FHIP1A: variants seen among roughly 807,000 people sequenced by gnomAD.
FHIP1A encodes FHF complex subunit HOOK-interacting protein 1A.
FHIP1A carries 61 observed loss-of-function variants against 88.6 expected under a neutral mutation model. That is an observed-to-expected ratio of 0.69 (90% CI 0.56 to 0.85). The LOEUF (loss-of-function observed/expected upper bound fraction) is 0.85. Among genes scored for constraint, FHIP1A ranks in the 40% least tolerant of loss-of-function variants. FHIP1A has a pLI of 0.00. For missense variants in FHIP1A, 1,154 were observed against 1,273.5 expected, an observed-to-expected ratio of 0.91 and a Z score of 1.43; for synonymous variants, 478 against 496.0, an observed-to-expected ratio of 0.96 and a Z score of 0.48.
intron 5 of FHIP1A, among the ~76,000 whole-genome samples, chr4:151,581,675 C>T (rs758849892): frequency 1.5e-4 from 23 of 152,008 alleles, no homozygotes; most frequent in Non-Finnish European, 3.1e-4. Flanking sequence ...TCTATAATTA[C>T]ATCTGACAAC....
chr4:151,520,342 G>A (rs914417221), intron 3 of FHIP1A, among the ~76,000 whole-genome samples: 4 of 152,024 alleles, frequency 2.6e-5, no homozygotes, highest in Non-Finnish European at 4.4e-5. Context: ...TTGTGTTGGT[G>A]CCTTTATTGA....
intron 1 of FHIP1A, among the ~76,000 whole-genome samples, chr4:151,416,489 A>G (rs142220969): frequency 0.011 from 1,686 of 152,218 alleles, 16 homozygotes; most frequent in Non-Finnish European, 0.017. Flanking sequence ...TACCCCCTAT[A>G]TTTATATATG....
rs908743797 is a variant in FHIP1A at position 151,664,115 on chromosome 4, C to T, written c.*1361C>T. 1.3e-5 allele frequency among the ~76,000 whole-genome samples: 2 copies of T among 152,076 alleles called. No homozygotes were observed. The highest frequency in any genetic ancestry group is 2.9e-5 in the Non-Finnish European group (2 of 68,022). ...TATTTTGGGCCCAGTTCTGCAGGTGCGAAGCAAGTAACGAGCTTGAGCCTG... is the reference window on the plus strand; with the variant it reads ...TATTTTGGGCCCAGTTCTGCAGGTGTGAAGCAAGTAACGAGCTTGAGCCTG... On this transcript the variant is annotated 3_prime_UTR_variant, in exon 14 of 14. Coordinates refer to ENST00000435205, the MANE Select transcript of FHIP1A (RefSeq NM_001109977.3).
intron 7 of FHIP1A, 135 bp downstream of exon 7, chr4:151,589,061 A>C (rs1423405629): frequency 3.0e-6 from 2 of 666,592 alleles, no homozygotes; most frequent in Non-Finnish European, 5.3e-6. Context: ...ATTTCTTAGC[A>C]ATATCAAACA....
In FHIP1A at chr4:151,629,782, G is replaced by A; in HGVS notation, c.1059G>A (p.Glu353=). 2 of 1,551,498 alleles carry A rather than the reference G, an allele frequency of 1.3e-6. No individual in the cohort carries two copies. The highest frequency in any genetic ancestry group is 1.7e-6 in the Non-Finnish European group (2 of 1,146,854). The change falls in exon 8 of 14, where the codon GAG becomes GAA. Residue 353 remains glutamate (E), a synonymous_variant. Transcript: ENST00000435205. The stretch of plus-strand genomic sequence containing the variant: ...GCATCTCCGAGCCAGCACTACTTGA[G>A]ATCTTCCTCCGTTTTATCCTATTGC... ...LRSISEPALL[E]IFLRFILLHQ...
At chr4:151,645,690 C>T (rs1288267231) in intron 9 of FHIP1A, among the ~76,000 whole-genome samples, 1 of 151,442 alleles carries the variant, frequency 6.6e-6, no homozygotes, top group Non-Finnish European at 1.5e-5. Flanking sequence ...GCTATAAGTT[C>T]TTTATCCCAT....
chr4:151,447,438 A>G (rs1728647263), intron 1 of FHIP1A, among the ~76,000 whole-genome samples: 1 of 152,182 alleles, frequency 6.6e-6, no homozygotes, highest in African/African-American at 2.4e-5. Flanking sequence ...TCGAAGTATT[A>G]GCTATCACTT....
At position 151,633,175 on chromosome 4, in the gene FHIP1A, C is replaced by T. The variant is rs143115203; in HGVS notation, c.1146+3306C>T. ...GAAATAAAAAAGAGCATACCACAAA[C>T]AATTATACACCAACAAACTGGATGA... On this transcript the variant is annotated intron_variant, in intron 8 of 13. Coordinates refer to ENST00000435205, the MANE Select transcript of FHIP1A (RefSeq NM_001109977.3). 2.0e-4 allele frequency among the ~76,000 whole-genome samples: 31 copies of T among 151,878 alleles called. No homozygotes were observed. The East Asian group carries it at 6.0e-3, about 29-fold the overall frequency.
At chr4:151,531,902 A>G (rs1731890139) in intron 3 of FHIP1A, among the ~76,000 whole-genome samples, 2 of 152,136 alleles carry the variant, frequency 1.3e-5, no homozygotes, top group African/African-American at 4.8e-5. Context: ...GAAGAAGAGA[A>G]TGAGGTAAAG....
intron 6 of FHIP1A, among the ~76,000 whole-genome samples, chr4:151,587,892 G>A (rs1451332040): frequency 1.3e-5 from 2 of 151,736 alleles, no homozygotes; most frequent in Non-Finnish European, 2.9e-5. Context: ...AGAAGTTTGT[G>A]GAAATAAAAA....
intron 13 of FHIP1A, among the ~76,000 whole-genome samples, chr4:151,659,421 A>G (rs1737370435): frequency 6.6e-6 from 1 of 152,194 alleles, no homozygotes; most frequent in South Asian, 2.1e-4. Context: ...GATACAGAGC[A>G]ATTTACAATG....
intron 7 of FHIP1A, among the ~76,000 whole-genome samples, chr4:151,601,964 A>G (rs1734888332): frequency 6.6e-6 from 1 of 152,038 alleles, no homozygotes; most frequent in African/African-American, 2.4e-5. Context: ...GGCGGCAGGC[A>G]TAGAGAGAGA....
At position 151,594,993 on chromosome 4, in the gene FHIP1A, T is replaced by A. The variant is rs182616314; in HGVS notation, c.978+6067T>A. Among the ~76,000 whole-genome samples the A allele has an allele frequency of 3.3e-5, 5 of 152,218 alleles. No homozygotes were observed. In the East Asian group the frequency reaches 9.6e-4, roughly 29 times the overall value. Reference sequence around the variant, plus strand: ...AAAAACCAGCTTCTGGATTCATTGATTTTTTGAAGAGTTTTTCATGTCTCT... The same window carrying A: ...AAAAACCAGCTTCTGGATTCATTGAATTTTTGAAGAGTTTTTCATGTCTCT... On this transcript the variant is annotated intron_variant, in intron 7 of 13. Coordinates refer to ENST00000435205, the MANE Select transcript of FHIP1A (RefSeq NM_001109977.3).
chr4:151,486,318 T>C (rs1432367300), intron 3 of FHIP1A, among the ~76,000 whole-genome samples: 1 of 152,194 alleles, frequency 6.6e-6, no homozygotes, highest in Non-Finnish European at 1.5e-5. Context: ...CTTGGTCTCC[T>C]GAGCAGATAC....
intron 3 of FHIP1A, among the ~76,000 whole-genome samples, chr4:151,560,141 T>C (rs1418377743): frequency 1.3e-5 from 2 of 152,234 alleles, no homozygotes; most frequent in African/African-American, 2.4e-5. Context: ...TGGAATTTTA[T>C]TGTTATTTCA....
At chr4:151,467,092 C>G (rs1729346676) in intron 2 of FHIP1A, among the ~76,000 whole-genome samples, 1 of 152,090 alleles carries the variant, frequency 6.6e-6, no homozygotes, top group Non-Finnish European at 1.5e-5. Context: ...TGACAAAGGT[C>G]TAATATTCAG....
chr4:151,635,638 AC>A (rs1485441815), intron 8 of FHIP1A, among the ~76,000 whole-genome samples: 1 of 151,970 alleles, frequency 6.6e-6, no homozygotes, highest in Non-Finnish European at 1.5e-5. Context: ...TCACAAAAAG[AC>A]AAACTGTAGG....
At chr4:151,596,749 T>A (rs548482241) in intron 7 of FHIP1A, among the ~76,000 whole-genome samples, 1 of 152,340 alleles carries the variant, frequency 6.6e-6, no homozygotes, top group Non-Finnish European at 1.5e-5. Flanking sequence ...TCTAATCTTG[T>A]CTTCATGCTT....
At chr4:151,516,517 C>G (rs1197263633) in intron 3 of FHIP1A, among the ~76,000 whole-genome samples, 1 of 152,014 alleles carries the variant, frequency 6.6e-6, no homozygotes. Flanking sequence ...AACAGGCAAC[C>G]TACAAAATGG....
Sources: gnomAD v4.1 joint callset for allele counts (sites outside exome capture counted in the v4.1 genomes callset) on GRCh38, gnomAD v4.1.1 for gene constraint, MANE v1.5 for transcripts, NCBI Gene and HGNC (gene_info 2026-07-23, HGNC 2026-07-21) for gene names.